HERC4: variants seen among roughly 807,000 people sequenced by gnomAD.
HERC4 encodes the protein HECT and RLD domain containing E3 ubiquitin protein ligase 4.
Under a neutral mutation model 124.3 loss-of-function variants are expected in HERC4, and 28 were observed. The ratio of observed to expected loss-of-function variants is 0.23; its 90% CI spans 0.17 to 0.31. The LOEUF (loss-of-function observed/expected upper bound fraction) is 0.31, where lower values mean the gene tolerates loss of function less well. Ranked by LOEUF, HERC4 falls within the 10% of genes least tolerant of loss-of-function variation. The probability of loss-of-function intolerance (pLI) is 1.00; values close to 1 mark genes in which losing one functional copy is unlikely to be tolerated. For synonymous variants in HERC4, 407 were observed against 421.5 expected, an observed-to-expected ratio of 0.97 and a Z score of 0.42; for missense variants, 713 against 1,229.3, an observed-to-expected ratio of 0.58 and a Z score of 6.28.
At chr10:67,958,124 A>G (rs1485657883) in intron 16 of HERC4, among the ~76,000 whole-genome samples, 2 of 152,164 alleles carry the variant, frequency 1.3e-5, no homozygotes, top group Non-Finnish European at 2.9e-5. Context: ...GCATTTCTAT[A>G]TATCACTATG....
chr10:67,966,699 T>C lies in HERC4; in HGVS notation c.1910A>G (p.Gln637Arg). ...IRNDYINWVQ[Q>R]QAYGMLADIP... Reference sequence around the variant, plus strand: ...AAAACCTACCATTCCATAGGCCTGCTGTTGGACCCAGTTGATATAATCATT... The same window carrying C: ...AAAACCTACCATTCCATAGGCCTGCCGTTGGACCCAGTTGATATAATCATT... Residue 637 changes from glutamine to arginine, a missense_variant, in exon 16 of 25, where the codon CAG becomes CGG. Transcript: ENST00000373700. 2 of 1,610,064 alleles carry C rather than the reference T, an allele frequency of 1.2e-6. No homozygotes were observed. Among genetic ancestry groups the C allele is most frequent in the South Asian group, 2.2e-5 (2 of 89,770 alleles).
At chr10:68,023,994 TG>T (rs2038778664) in intron 8 of HERC4, among the ~76,000 whole-genome samples, 1 of 152,148 alleles carries the variant, frequency 6.6e-6, no homozygotes, top group African/African-American at 2.4e-5. Context: ...TTCTGTTCAT[TG>T]AAAGACAACA....
chr10:67,982,039 T>C (rs1172253345), intron 15 of HERC4, among the ~76,000 whole-genome samples: 2 of 152,172 alleles, frequency 1.3e-5, no homozygotes, highest in Non-Finnish European at 2.9e-5. Context: ...CCATACCACC[T>C]ATAGCAATCT....
intron 19 of HERC4, among the ~76,000 whole-genome samples, chr10:67,947,538 T>C (rs1443115015): frequency 2.0e-5 from 3 of 152,218 alleles, no homozygotes; most frequent in East Asian, 1.9e-4. Flanking sequence ...CTATCATTAA[T>C]GTATACAACA....
intron 23 of HERC4, among the ~76,000 whole-genome samples, chr10:67,927,430 A>ATATATTTTTTTT (rs1564911511): frequency 2.6e-5 from 1 of 37,922 alleles, no homozygotes; most frequent in African/African-American, 5.8e-5. Context: ...ATATATATAT[A>ATATATTTTTTTT]TTTTTTTTTT....
intron 23 of HERC4, among the ~76,000 whole-genome samples, chr10:67,926,693 G>C (rs1269049820): frequency 6.6e-6 from 1 of 152,106 alleles, no homozygotes; most frequent in African/African-American, 2.4e-5. Flanking sequence ...AATATATAAT[G>C]AGTTTTAGTC....
At chr10:67,926,737 A>T (rs1236391648) in intron 23 of HERC4, among the ~76,000 whole-genome samples, 1 of 152,250 alleles carries the variant, frequency 6.6e-6, no homozygotes, top group Non-Finnish European at 1.5e-5. Flanking sequence ...CTCAGTGAAC[A>T]GAATCCTCAC....
At chr10:68,030,060 T>C (rs2039119223) in intron 7 of HERC4, among the ~76,000 whole-genome samples, 1 of 152,090 alleles carries the variant, frequency 6.6e-6, no homozygotes, top group Admixed American at 6.6e-5. Context: ...TTTAATCACA[T>C]GTAACAGTTT....
intron 22 of HERC4, among the ~76,000 whole-genome samples, chr10:67,933,257 A>T (rs2032013427): frequency 6.6e-6 from 1 of 152,132 alleles, no homozygotes; most frequent in South Asian, 2.1e-4. Context: ...TACTTTAACA[A>T]ATGCCTAAGA....
chr10:67,952,573 A>G lies in HERC4; in HGVS notation c.2337+2022T>C, dbSNP rs576091618. On this transcript the variant is annotated intron_variant, in intron 19 of 24. Transcript: ENST00000373700. ...AGGTGTGAGCCACTGGGCCCGGCCA[A>G]AAAAATACTTATTTTAAAATATCTT... 1.3e-4 allele frequency among the ~76,000 whole-genome samples: 19 copies of G among 151,832 alleles called. 1 individual carries two copies. The highest frequency in any genetic ancestry group is 4.3e-4 in the African/African-American group (18 of 41,482).
chr10:67,927,272 C>T (rs1335698969), intron 23 of HERC4, among the ~76,000 whole-genome samples: 4 of 150,882 alleles, frequency 2.7e-5, no homozygotes, highest in African/African-American at 9.8e-5. Context: ...AATGTGCACA[C>T]ATGTCCTGAT....
At chr10:68,051,521 G>GTT (rs1156408046) in intron 3 of HERC4, among the ~76,000 whole-genome samples, 8 of 146,738 alleles carry the variant, frequency 5.5e-5, no homozygotes, top group African/African-American at 2.0e-4. Context: ...GTTTTTTTTT[G>GTT]GTTTTTTTTT....
At chr10:68,001,198 C>CA (rs2037209684) in intron 9 of HERC4, among the ~76,000 whole-genome samples, 1 of 151,514 alleles carries the variant, frequency 6.6e-6, no homozygotes, top group Non-Finnish European at 1.5e-5. Context: ...TAGTGAGACC[C>CA]CGTCTCTACA....
chr10:68,075,208 G>A lies in HERC4; in HGVS notation c.-173C>T, dbSNP rs1230227916. The A allele has an allele frequency of 2.0e-5, 3 of 153,130 alleles. No individual in the cohort carries two copies. Among genetic ancestry groups the A allele is most frequent in the African/African-American group, 7.2e-5 (3 of 41,432 alleles). The allele number at this position is 153,130 out of a possible 1,614,324, so 9.5% of individuals were successfully genotyped here. A position where few individuals can be genotyped will look rare whatever the true frequency, so the allele number is the denominator to read the frequency against. On this transcript the variant is annotated 5_prime_UTR_variant, in exon 1 of 25. Transcript: ENST00000373700. Reference sequence around the variant, plus strand: ...TCCAGAGACAGCCGTCAGCGACCCGGATGGAGCGGGCGGGGAAGAACGGGA... The same window carrying A: ...TCCAGAGACAGCCGTCAGCGACCCGAATGGAGCGGGCGGGGAAGAACGGGA...
At chr10:68,040,363 C>T (rs945332689) in intron 4 of HERC4, 8 of 946,688 alleles carry the variant, frequency 8.5e-6, no homozygotes, top group Non-Finnish European at 1.0e-5. Flanking sequence ...GTATTAATAC[C>T]CTAAAGAATG....
intron 16 of HERC4, among the ~76,000 whole-genome samples, chr10:67,958,906 T>A (rs2034316185): frequency 6.6e-6 from 1 of 152,212 alleles, no homozygotes; most frequent in South Asian, 2.1e-4. Context: ...AGGTGTAATG[T>A]TAACAGAATT....
chr10:68,024,845 T>C (rs1171127836), intron 8 of HERC4, among the ~76,000 whole-genome samples: 1 of 152,202 alleles, frequency 6.6e-6, no homozygotes, highest in Non-Finnish European at 1.5e-5. Flanking sequence ...TTCTATTTAT[T>C]CCCAAGACCT....
intron 4 of HERC4, chr10:68,039,841 G>A: frequency 2.0e-6 from 2 of 1,003,150 alleles, no homozygotes; most frequent in Non-Finnish European, 2.4e-6. Flanking sequence ...AGCATATTAA[G>A]TATTTTAGGA....
intron 16 of HERC4, among the ~76,000 whole-genome samples, chr10:67,960,310 A>G (rs2034424124): frequency 6.6e-6 from 1 of 151,976 alleles, no homozygotes; most frequent in Non-Finnish European, 1.5e-5. Flanking sequence ...TCTTTCCCAG[A>G]CTCTGCCCTG....
Sources: allele counts gnomAD v4.1 joint callset (sites outside exome capture counted in the v4.1 genomes callset), GRCh38; gene constraint gnomAD v4.1.1; transcripts MANE v1.5; gene names NCBI Gene and HGNC (gene_info 2026-07-23, HGNC 2026-07-21).